The following CFAP44 variants were observed in gnomAD, a reference collection of about 807,000 sequenced individuals.
The protein encoded by CFAP44 is cilia- and flagella-associated protein 44.
In CFAP44, 134 loss-of-function variants were observed where a neutral mutation model predicts 216.2. The ratio of observed to expected loss-of-function variants is 0.62; its 90% CI spans 0.54 to 0.72. CFAP44 has a LOEUF of 0.72. Among genes scored for constraint, CFAP44 ranks in the 30% least tolerant of loss-of-function variants. The pLI, the probability that CFAP44 is intolerant of heterozygous loss-of-function variation, is 0.00. For missense variants in CFAP44, 2,035 were observed against 2,182.1 expected (o/e 0.93, Z 1.34); for synonymous variants, 700 against 727.6 (o/e 0.96, Z 0.61).
rs1330930914 is a variant in CFAP44, at chr3:113,373,701, TTTA to T, written c.2299-148_2299-146del. 15 of 662,916 alleles carry T rather than the reference TTTA, an allele frequency of 2.3e-5. No homozygotes were observed. In the Admixed American group the frequency reaches 5.1e-4, roughly 23 times the overall value. 41.1% of individuals were successfully genotyped at this position (662,916 alleles called of 1,614,324 possible). On this transcript the variant is annotated intron_variant, in intron 17 of 34. Transcript: ENST00000393845. Reference sequence around the variant, plus strand: ...TCTACATAATTTCTATGATTATAGATTTATTATTTCTATAAAGCATCTCCTTTA... The same window carrying T: ...TCTACATAATTTCTATGATTATAGATTTATTTCTATAAAGCATCTCCTTTA...
chr3:113,339,416 A>G (rs1048723729), intron 24 of CFAP44, among the ~76,000 whole-genome samples: 2 of 152,146 alleles, frequency 1.3e-5, no homozygotes, highest in Non-Finnish European at 2.9e-5. Flanking sequence ...TCCACCCCTT[A>G]TCCCTGAGCT....
chr3:113,350,052 G>A lies in CFAP44; in HGVS notation c.3066-5340C>T, dbSNP rs1950427766. 2.6e-5 allele frequency among the ~76,000 whole-genome samples: 4 copies of A among 152,222 alleles called. No individual in the cohort carries two copies. In the South Asian group the frequency reaches 8.3e-4, roughly 32 times the overall value. On this transcript the variant is annotated intron_variant, in intron 22 of 34. Transcript: ENST00000393845. ...ATCACAAGGAAACCATGGAGTTATT[G>A]CACACAGTGCAAAAACCCAACGAGG... is the stretch of plus-strand genomic sequence containing the variant.
At chr3:113,340,199 G>A (rs554327209) in intron 24 of CFAP44, among the ~76,000 whole-genome samples, 1 of 152,332 alleles carries the variant, frequency 6.6e-6, no homozygotes, top group African/African-American at 2.4e-5. Flanking sequence ...TGTCAAAGTG[G>A]AGGCATACAT....
At position 113,324,042 on chromosome 3, in the gene CFAP44, C is replaced by CAAAAAAAAAAAAAA. The variant is rs200919084; in HGVS notation, c.4516+2389_4516+2402dup. 7.2e-3 allele frequency among the ~76,000 whole-genome samples: 517 copies of CAAAAAAAAAAAAAA among 71,634 alleles called. 6 individuals are homozygous for CAAAAAAAAAAAAAA. The highest frequency in any genetic ancestry group is 0.016 in the South Asian group (28 of 1,774). The allele number at this position is 71,634 out of a possible 152,430, so 47.0% of individuals were successfully genotyped here. A position where few individuals can be genotyped will look rare whatever the true frequency, so the allele number is the denominator to read the frequency against. On this transcript the variant is annotated intron_variant, in intron 28 of 34. Transcript: ENST00000393845. ...CTGGTGACAGAGCAAGACTCCGTCT[C>CAAAAAAAAAAAAAA]AAAAAAAAAAAAAAAAAGAGAGAAA...
chr3:113,370,549 C>G (rs923704387), intron 18 of CFAP44, among the ~76,000 whole-genome samples: 7 of 152,208 alleles, frequency 4.6e-5, no homozygotes, highest in Admixed American at 6.5e-5. Context: ...GCTAAAAACT[C>G]TCAATAAACT....
chr3:113,419,318 G>A (rs1407470002), intron 5 of CFAP44, among the ~76,000 whole-genome samples: 2 of 151,764 alleles, frequency 1.3e-5, no homozygotes, highest in African/African-American at 4.8e-5. Context: ...TACAAATATA[G>A]GTCTTGTCTC....
chr3:113,304,097 T>G lies in CFAP44; in HGVS notation c.4896A>C (p.Gly1632=). Residue 1632 remains glycine, a synonymous_variant, in exon 32 of 35, where the codon GGA becomes GGC. Transcript: ENST00000393845. ...KLHQIEYVVF[G]EIPSDLSGTL... Reference sequence around the variant, plus strand: ...TACCAGAAAGATCGCTAGGTATTTCTCCAAATACCACATACTCTATCTACA... The same window carrying G: ...TACCAGAAAGATCGCTAGGTATTTCGCCAAATACCACATACTCTATCTACA... 1 of 1,537,192 alleles carries G rather than the reference T, an allele frequency of 6.5e-7. No homozygotes were observed. The highest frequency in any genetic ancestry group is 8.7e-7 in the Non-Finnish European group (1 of 1,146,878).
At chr3:113,426,976 A>G (rs1202565807) in intron 3 of CFAP44, 1 of 534,258 alleles carries the variant, frequency 1.9e-6, no homozygotes, top group Non-Finnish European at 3.2e-6. Flanking sequence ...AAGAATGAGT[A>G]TCAGAGTACT....
chr3:113,324,489 T>C (rs1950172859), intron 28 of CFAP44, among the ~76,000 whole-genome samples: 1 of 152,180 alleles, frequency 6.6e-6, no homozygotes, highest in Non-Finnish European at 1.5e-5. Context: ...TAATCTACCA[T>C]ATTAATAGGC....
intron 17 of CFAP44, among the ~76,000 whole-genome samples, chr3:113,374,250 G>A (rs1032492458): frequency 2.0e-5 from 3 of 151,960 alleles, no homozygotes; most frequent in African/African-American, 4.8e-5. Flanking sequence ...TTTTGTAAAT[G>A]TGTTTGAAGG....
chr3:113,427,349 T>G lies in CFAP44; in HGVS notation c.101-10A>C. ...TCTTCTTGAACAGGAGCTATTAAAA[T>G]TTGTTTTAATAACTTCTAAATTTTG... On this transcript the variant is annotated splice_polypyrimidine_tract_variant and intron_variant, in intron 2 of 34. Coordinates refer to ENST00000393845, the MANE Select transcript of CFAP44 (RefSeq NM_001164496.2). 1 of 1,576,636 alleles carries G rather than the reference T, an allele frequency of 6.3e-7. No homozygotes were observed. Among genetic ancestry groups the G allele is most frequent in the Non-Finnish European group, 8.6e-7 (1 of 1,165,766 alleles).
rs74663155 is a variant in CFAP44, at chr3:113,356,711, T to C, written c.3065+2034A>G. Among the ~76,000 whole-genome samples the C allele has an allele frequency of 8.9e-3, 1,359 of 152,236 alleles. 17 individuals carry two copies. Among genetic ancestry groups the C allele is most frequent in the African/African-American group, 0.031 (1,268 of 41,544 alleles). ...CAAGATGTAAAAACAATAGAGCTTC[T>C]AGAAGAAAACAGAATTATTTTATGA... On this transcript the variant is annotated intron_variant, in intron 22 of 34. Transcript: ENST00000393845.
At chr3:113,319,873 T>C (rs928764140) in intron 28 of CFAP44, among the ~76,000 whole-genome samples, 7 of 151,714 alleles carry the variant, frequency 4.6e-5, no homozygotes, top group African/African-American at 7.3e-5. Flanking sequence ...CAATTAGAAA[T>C]GACAAAGATG....
intron 24 of CFAP44, 74 bp from the exon 25 acceptor site, chr3:113,333,657 C>T: frequency 7.4e-7 from 1 of 1,343,688 alleles, no homozygotes; most frequent in Non-Finnish European, 9.6e-7. Context: ...TTAATATAGG[C>T]ATATATTCAA....
intron 6 of CFAP44, among the ~76,000 whole-genome samples, chr3:113,414,273 G>T (rs1305113607): frequency 6.6e-6 from 1 of 152,120 alleles, no homozygotes; most frequent in African/African-American, 2.4e-5. Context: ...AGATGATGGG[G>T]TTTTCTAAAT....
At chr3:113,346,070 C>A (rs1164860118) in intron 22 of CFAP44, among the ~76,000 whole-genome samples, 1 of 152,142 alleles carries the variant, frequency 6.6e-6, no homozygotes, top group Non-Finnish European at 1.5e-5. Context: ...ACTTGGAGAA[C>A]TTTTCTGTCT....
At chr3:113,304,247 C>G in intron 31 of CFAP44, 130 bp from the exon 32 acceptor site, 1 of 869,976 alleles carries the variant, frequency 1.1e-6, no homozygotes, top group Non-Finnish European at 1.7e-6. Context: ...TCTACGTCTT[C>G]CTTACTGAGT....
chr3:113,345,220 T>C (rs886287391), intron 22 of CFAP44, among the ~76,000 whole-genome samples: 2 of 150,938 alleles, frequency 1.3e-5, no homozygotes, highest in African/African-American at 4.8e-5. Context: ...TATAAACATG[T>C]AAATTATATA....
At chr3:113,296,957 AACATT>A in intron 32 of CFAP44, 72 bp from the exon 33 acceptor site, 4 of 1,489,854 alleles carry the variant, frequency 2.7e-6, no homozygotes, top group Non-Finnish European at 3.6e-6. Context: ...CAGGAACAAT[AACATT>A]CTAAGGAACT....
Sources: gnomAD v4.1 joint callset for allele counts (sites outside exome capture counted in the v4.1 genomes callset) on GRCh38, gnomAD v4.1.1 for gene constraint, MANE v1.5 for transcripts, NCBI Gene and HGNC (gene_info 2026-07-23, HGNC 2026-07-21) for gene names.